AGAP1: variants seen among roughly 807,000 people sequenced by gnomAD.
The protein encoded by AGAP1 is ArfGAP with GTPase domain, ankyrin repeat and PH domain 1, also known as arf-GAP with GTPase, ANK repeat and PH domain-containing protein 1.
Under a neutral mutation model 105.3 loss-of-function variants are expected in AGAP1, and 29 were observed. That is an observed-to-expected ratio of 0.28 (90% CI 0.21 to 0.38). AGAP1 has a LOEUF of 0.38. Among genes scored for constraint, AGAP1 ranks in the 10% least tolerant of loss-of-function variants. The pLI is 1.00. For synonymous variants in AGAP1, 509 were observed against 485.9 expected, an observed-to-expected ratio of 1.05 and a Z score of -0.63; for missense variants, 998 against 1,165.1, an observed-to-expected ratio of 0.86 and a Z score of 2.09.
chr2:235,768,366 C>T (rs1323995525), intron 6 of AGAP1, among the ~76,000 whole-genome samples: 4 of 152,164 alleles, frequency 2.6e-5, no homozygotes, highest in Admixed American at 1.3e-4. Flanking sequence ...TTTTCTCTAT[C>T]AGAATATGTA....
At chr2:235,703,540 C>G in intron 1 of AGAP1, among the ~76,000 whole-genome samples, 1 of 150,736 alleles carries the variant, frequency 6.6e-6, no homozygotes, top group East Asian at 2.0e-4. Flanking sequence ...AGAATTGCTC[C>G]CCTCTTCTCC....
rs2050147628 is a variant in AGAP1, at chr2:235,883,909, A to G, written c.1155+460A>G. 6.6e-6 allele frequency among the ~76,000 whole-genome samples: 1 copy of G among 152,210 alleles called. No individual in the cohort carries two copies. Among genetic ancestry groups the G allele is most frequent in the Non-Finnish European group, 1.5e-5 (1 of 68,030 alleles). ...ATTGTCAGATAACACATTCCAGTGC[A>G]TTAGGCAAAAGAAACTCTCCTCTTT... On this transcript the variant is annotated intron_variant, in intron 10 of 17. Transcript: ENST00000304032. The surrounding 1 kb of genome is among the most constrained non-coding windows in gnomAD (Gnocchi z 4.5).
chr2:235,784,194 G>A (rs997103693), intron 6 of AGAP1, among the ~76,000 whole-genome samples: 1 of 151,744 alleles, frequency 6.6e-6, no homozygotes, highest in African/African-American at 2.4e-5. Flanking sequence ...ATTAAGATGG[G>A]TCCAGATAAA....
In AGAP1 at chr2:236,038,428, A is replaced by G. The variant is rs2057446764; in HGVS notation, c.1800+1713A>G. Among the ~76,000 whole-genome samples the G allele has an allele frequency of 6.6e-6, 1 of 152,080 alleles. No individual in the cohort carries two copies. The highest frequency in any genetic ancestry group is 6.5e-5 in the Admixed American group (1 of 15,274). ...GGATGGTGGCAGCCTTTCCCATTCCACACCTTGCCAGGCTCCTCCTGACTC... is the reference window on the plus strand; with the variant it reads ...GGATGGTGGCAGCCTTTCCCATTCCGCACCTTGCCAGGCTCCTCCTGACTC... On this transcript the variant is annotated intron_variant, in intron 14 of 17. Coordinates refer to ENST00000304032, the MANE Select transcript of AGAP1 (RefSeq NM_001037131.3). This position sits in a 1 kb window ranked among gnomAD's most constrained non-coding sequence, Gnocchi z 4.5.
intron 1 of AGAP1, among the ~76,000 whole-genome samples, chr2:235,693,505 C>T (rs1242328770): frequency 1.3e-5 from 2 of 152,178 alleles, no homozygotes; most frequent in African/African-American, 4.8e-5. Flanking sequence ...TACCCCTGAA[C>T]AGAGGGACAG....
chr2:235,539,772 C>T (rs537587122), intron 1 of AGAP1, among the ~76,000 whole-genome samples: 4 of 152,132 alleles, frequency 2.6e-5, no homozygotes, highest in South Asian at 4.2e-4. Context: ...CCTGGGGTCA[C>T]GGGTGTTAGT....
intron 13 of AGAP1, among the ~76,000 whole-genome samples, chr2:236,006,381 G>A (rs2056323561): frequency 6.6e-6 from 1 of 152,180 alleles, no homozygotes; most frequent in African/African-American, 2.4e-5. Flanking sequence ...TTGGAGCTAG[G>A]CGTGCTCGTT....
chr2:235,650,120 G>A (rs13430796), intron 1 of AGAP1, among the ~76,000 whole-genome samples: 32,812 of 152,194 alleles, frequency 0.22, 4,001 homozygotes, highest in Non-Finnish European at 0.27. Flanking sequence ...CCAGCAGTTT[G>A]GGAGGCCAAG....
At position 235,736,840 on chromosome 2, in the gene AGAP1, C is replaced by CA. The variant is rs201914014; in HGVS notation, c.311-4117dup. On this transcript the variant is annotated intron_variant, in intron 3 of 17. Coordinates refer to ENST00000304032, the MANE Select transcript of AGAP1 (RefSeq NM_001037131.3). The surrounding 1 kb of genome is among the most constrained non-coding windows in gnomAD (Gnocchi z 5.5). Reference sequence around the variant, plus strand: ...TAGGCAACAGAGTGAGACTGTGTCTCAAAAAACAAAACAAAACACAACACA... The same window carrying CA: ...TAGGCAACAGAGTGAGACTGTGTCTCAAAAAAACAAAACAAAACACAACACA... Among the ~76,000 whole-genome samples the CA allele has an allele frequency of 4.5e-3, 681 of 152,176 alleles. 4 individuals are homozygous for CA. The highest frequency in any genetic ancestry group is 0.014 in the African/African-American group (591 of 41,532).
rs1030562667 is a variant in AGAP1, at chr2:235,963,059, G to T, written c.1484-5403G>T. ...CGTGGATGTGGAGGAAATGCTGATG[G>T]GTTGGCTGTGGTGGTCTCTTAGAGG... is the stretch of plus-strand genomic sequence containing the variant. On this transcript the variant is annotated intron_variant, in intron 12 of 17. Transcript: ENST00000304032. The surrounding 1 kb of genome is among the most constrained non-coding windows in gnomAD (Gnocchi z 5.1). Among the ~76,000 whole-genome samples the T allele has an allele frequency of 1.3e-5, 2 of 152,178 alleles. No individual in the cohort carries two copies. Among genetic ancestry groups the T allele is most frequent in the Non-Finnish European group, 2.9e-5 (2 of 68,044 alleles).
intron 8 of AGAP1, among the ~76,000 whole-genome samples, chr2:235,806,703 G>A (rs1048059581): frequency 6.6e-6 from 1 of 151,912 alleles, no homozygotes; most frequent in Non-Finnish European, 1.5e-5. Context: ...GCTTAACTTC[G>A]AATTTGCCAT....
rs545460532 is a variant in AGAP1 at position 235,981,910 on chromosome 2, C to T, written c.1645+13287C>T. On this transcript the variant is annotated intron_variant, in intron 13 of 17. Transcript: ENST00000304032. The surrounding 1 kb of genome is among the most constrained non-coding windows in gnomAD (Gnocchi z 5.5). ...CTTGTCTTTTCAGCGGTCTTGCCTC[C>T]GAATCTTGGCTTGTCTAGGATTCTT... is the stretch of plus-strand genomic sequence containing the variant. Among the ~76,000 whole-genome samples, 2 of 152,212 alleles carry T rather than the reference C, an allele frequency of 1.3e-5. No homozygotes were observed. Among genetic ancestry groups the T allele is most frequent in the East Asian group, 1.9e-4 (1 of 5,178 alleles).
Position 235,729,979 on chromosome 2 carries a change from G to C in AGAP1, c.311-10984G>C, listed in dbSNP as rs561025638. 3.3e-5 allele frequency among the ~76,000 whole-genome samples: 5 copies of C among 152,100 alleles called. No individual in the cohort carries two copies. The highest frequency in any genetic ancestry group is 1.2e-4 in the African/African-American group (5 of 41,434). ...CCCCTACCCTACAGTATGGAAAAAA[G>C]GCATAGAACAGTCAAATCACGTAGG... On this transcript the variant is annotated intron_variant, in intron 3 of 17. Coordinates refer to ENST00000304032, the MANE Select transcript of AGAP1 (RefSeq NM_001037131.3). The surrounding 1 kb of genome is among the most constrained non-coding windows in gnomAD (Gnocchi z 5.0).
At chr2:235,999,654 GTGGTGGTGGTGATGA>G (rs1385784076) in intron 13 of AGAP1, among the ~76,000 whole-genome samples, 1 of 151,668 alleles carries the variant, frequency 6.6e-6, no homozygotes, top group Non-Finnish European at 1.5e-5. Context: ...ATGGTGAGAG[GTGGTGGTGGTGATGA>G]TGGTGGTGGT....
rs374910704 is a variant in AGAP1, at chr2:236,069,091, C to T, written c.2114+19810C>T. ...GCAGTGAGCCGAGATCACGCTAGTGCGCTCCAGCCTGGGCAACAGCGTGAG... is the reference window on the plus strand; with the variant it reads ...GCAGTGAGCCGAGATCACGCTAGTGTGCTCCAGCCTGGGCAACAGCGTGAG... On this transcript the variant is annotated intron_variant, in intron 16 of 17. Coordinates refer to ENST00000304032, the MANE Select transcript of AGAP1 (RefSeq NM_001037131.3). 2.0e-4 allele frequency among the ~76,000 whole-genome samples: 30 copies of T among 151,220 alleles called. No individual in the cohort carries two copies. The South Asian group carries it at 4.6e-3, about 23-fold the overall frequency.
At chr2:235,632,925 A>G (rs1157879859) in intron 1 of AGAP1, among the ~76,000 whole-genome samples, 3 of 152,168 alleles carry the variant, frequency 2.0e-5, no homozygotes, top group Non-Finnish European at 4.4e-5. Flanking sequence ...GCTGGCAGAA[A>G]AAGGAAGACG....
intron 12 of AGAP1, among the ~76,000 whole-genome samples, chr2:235,952,176 G>A (rs2053765300): frequency 6.6e-6 from 1 of 152,076 alleles, no homozygotes; most frequent in East Asian, 1.9e-4. Flanking sequence ...GACATGAATG[G>A]GCTGATAATA....
chr2:235,826,885 C>T (rs921397461), intron 9 of AGAP1, among the ~76,000 whole-genome samples: 11 of 152,200 alleles, frequency 7.2e-5, no homozygotes, highest in African/African-American at 2.7e-4. Flanking sequence ...GCCAAACAGC[C>T]TCCAAAGCAA....
At chr2:235,903,372 A>G (rs1252319884) in intron 10 of AGAP1, among the ~76,000 whole-genome samples, 1 of 152,184 alleles carries the variant, frequency 6.6e-6, no homozygotes, top group Non-Finnish European at 1.5e-5. Flanking sequence ...TTTCAAAGCC[A>G]TATGGTTATT....
Sources: allele counts gnomAD v4.1 joint callset (sites outside exome capture counted in the v4.1 genomes callset), GRCh38; gene constraint gnomAD v4.1.1; non-coding constraint Gnocchi (gnomAD v3.1); transcripts MANE v1.5; gene names NCBI Gene and HGNC (gene_info 2026-07-23, HGNC 2026-07-21).